The following UNC45A variants were observed in gnomAD, a reference collection of about 807,000 sequenced individuals.
UNC45A encodes the protein protein unc-45 homolog A.
Under a neutral mutation model 103.2 loss-of-function variants are expected in UNC45A, and 78 were observed. That is an observed-to-expected ratio of 0.76 (90% CI 0.63 to 0.91). The LOEUF (loss-of-function observed/expected upper bound fraction) is 0.91, where lower values mean the gene tolerates loss of function less well. Ranked by LOEUF, UNC45A falls within the 40% of genes least tolerant of loss-of-function variation. UNC45A has a pLI of 0.00. For missense variants in UNC45A, 1,193 were observed against 1,224.8 expected, an observed-to-expected ratio of 0.97 and a Z score of 0.39; for synonymous variants, 495 against 504.6, an observed-to-expected ratio of 0.98 and a Z score of 0.25.
chr15:90,936,246 G>A lies in UNC45A; in HGVS notation c.251-39G>A, dbSNP rs773273577. On this transcript the variant is annotated intron_variant, in intron 3 of 19. Transcript: ENST00000418476. ...CCTACTGCTCTTGCCTGGAGACAGT[G>A]GCCTCATGGGTGCTGACAGCGCTCC... is the stretch of plus-strand genomic sequence containing the variant. The A allele has an allele frequency of 2.5e-6, 4 of 1,586,136 alleles. No individual in the cohort carries two copies. In the Admixed American group the frequency reaches 7.2e-5, roughly 29 times the overall value.
upstream of UNC45A, chr15:90,935,028 C>A (rs969124577): frequency 2.9e-5 from 16 of 560,410 alleles, no homozygotes; most frequent in African/African-American, 2.2e-4. Context: ...ACTTCTGCTG[C>A]GGTCGGGGCC....
rs199835757 is a variant in UNC45A, at chr15:90,948,780, G to C, written c.1864G>C (p.Glu622Gln). ...LAKYAKQHVP[E>Q]QHPKDKPSFV... ...CAAGTATGCCAAGCAGCATGTGCCC[G>C]AGCAGCACCCCAAGGTGAGGGGCCG... Residue 622 changes from glutamate (E) to glutamine (Q), a missense_variant, in exon 13 of 20, where the codon GAG becomes CAG. Glu to Gln is a conservative substitution (Grantham distance 29, BLOSUM62 2). Coordinates refer to ENST00000418476, the MANE Select transcript of UNC45A (RefSeq NM_018671.5). 32 of 1,606,992 alleles carry C rather than the reference G, an allele frequency of 2.0e-5. No individual in the cohort carries two copies. Among genetic ancestry groups the C allele is most frequent in the Admixed American group, 5.1e-5 (3 of 58,794 alleles).
rs756520079 is a variant in UNC45A at position 90,948,257 on chromosome 15, C to T, written c.1711C>T (p.Leu571=). 2.5e-6 allele frequency: 4 copies of T among 1,614,000 alleles called. No homozygotes were observed. The Admixed American group carries it at 6.7e-5, about 27-fold the overall frequency. Residue 571 remains leucine, a synonymous_variant, in exon 12 of 20, where the codon CTG becomes TTG. Transcript: ENST00000418476. The part of the protein sequence containing the change: ...KEEFVEDAAA[L]KALFQLSRLE... ...AGAGTTTGTGGAGGATGCGGCTGCT[C>T]TGAAAGCTCTGTTCCAGCTCAGCAG...
intron 1 of UNC45A, 56 bp downstream of exon 1, chr15:90,935,431 GCCT>G (rs2035956993): frequency 2.5e-6 from 4 of 1,580,416 alleles, no homozygotes; most frequent in Non-Finnish European, 3.4e-6. Flanking sequence ...ACCATCCCTG[GCCT>G]CCTTCTCCCC....
chr15:90,935,434 T>G, intron 1 of UNC45A, 59 bp downstream of exon 1: 1 of 1,577,722 alleles, frequency 6.3e-7, no homozygotes, highest in Non-Finnish European at 8.6e-7. Context: ...ATCCCTGGCC[T>G]CCTTCTCCCC....
In UNC45A at chr15:90,952,926, C is replaced by G; in HGVS notation, c.2304-3C>G. 6.2e-7 allele frequency: 1 copy of G among 1,611,982 alleles called. No individual in the cohort carries two copies. The highest frequency in any genetic ancestry group is 8.5e-7 in the Non-Finnish European group (1 of 1,179,672). On this transcript the variant is annotated splice_polypyrimidine_tract_variant and splice_region_variant and intron_variant, in intron 17 of 19. Coordinates refer to ENST00000418476, the MANE Select transcript of UNC45A (RefSeq NM_018671.5). ...CCTGCTGCTTCCTCCTGTGGCCCTGCAGGCAGAAGATCCTGAAGGAGAAGG... is the reference window on the plus strand; with the variant it reads ...CCTGCTGCTTCCTCCTGTGGCCCTGGAGGCAGAAGATCCTGAAGGAGAAGG...
upstream of UNC45A, chr15:90,932,562 T>C (rs2035842814): frequency 8.1e-7 from 1 of 1,232,174 alleles, no homozygotes; most frequent in Middle Eastern, 3.1e-4. Flanking sequence ...GGCCGACGAC[T>C]GCGGCCGCAG....
At position 90,943,867 on chromosome 15, in the gene UNC45A, G is replaced by A. The variant is rs538901980; in HGVS notation, c.1027+785G>A. Among the ~76,000 whole-genome samples the A allele has an allele frequency of 2.4e-3, 357 of 151,364 alleles. 1 individual carries two copies. Among genetic ancestry groups the A allele is most frequent in the African/African-American group, 8.4e-3 (347 of 41,304 alleles). On this transcript the variant is annotated intron_variant, in intron 8 of 19. Coordinates refer to ENST00000418476, the MANE Select transcript of UNC45A (RefSeq NM_018671.5). ...GTATGCCCGGCTAATTCTTGTAGTT[G>A]TAGTAGAGATAGAATCTCACCATGT...
intron 17 of UNC45A, among the ~76,000 whole-genome samples, chr15:90,950,817 C>T (rs563936359): frequency 7.2e-5 from 11 of 152,312 alleles, no homozygotes; most frequent in African/African-American, 2.6e-4. Context: ...GCCTCGCTTC[C>T]CTGATTGCAA....
chr15:90,948,284 G>C lies in UNC45A; in HGVS notation c.1737+1G>C, dbSNP rs1439197973. ...GAAAGCTCTGTTCCAGCTCAGCAGG[G>C]TAGCTCTGTGGTTCCTGCCGTCAGC... On this transcript the variant is annotated splice_donor_variant, in intron 12 of 19. Coordinates refer to ENST00000418476, the MANE Select transcript of UNC45A (RefSeq NM_018671.5). LOFTEE classifies it high-confidence loss of function. 6.2e-7 allele frequency: 1 copy of C among 1,613,536 alleles called. No homozygotes were observed. Among genetic ancestry groups the C allele is most frequent in the Admixed American group, 1.7e-5 (1 of 60,026 alleles).
intron 3 of UNC45A, 107 bp from the exon 4 acceptor site, chr15:90,936,178 T>C (rs1013804049): frequency 3.3e-6 from 5 of 1,527,242 alleles, no homozygotes; most frequent in Non-Finnish European, 4.4e-6. Context: ...GAGCCCCACA[T>C]TCGTCCCCCC....
chr15:90,942,773 G>A, intron 7 of UNC45A, 139 bp from the exon 8 acceptor site: 1 of 1,483,464 alleles, frequency 6.7e-7, no homozygotes, highest in Non-Finnish European at 9.2e-7. Context: ...AGGTGCCTCA[G>A]GACAAAGCTG....
rs2036827173 is a variant in UNC45A at position 90,950,267 on chromosome 15, G to C, written c.2187G>C (p.Arg729=). Residue 729 remains arginine, a splice_region_variant and synonymous_variant, in exon 16 of 20, where the codon CGG becomes CGC. Coordinates refer to ENST00000418476, the MANE Select transcript of UNC45A (RefSeq NM_018671.5). ...CGGAGATGACCTTCCCTGGCGAGCGGGTACGTGTCTTCCTGCCCCGGCCTT... is the reference window on the plus strand; with the variant it reads ...CGGAGATGACCTTCCCTGGCGAGCGCGTACGTGTCTTCCTGCCCCGGCCTT... The part of the protein sequence containing the change: ...SNPEMTFPGE[R]IYEVVRPLVS... 1 of 1,551,578 alleles carries C rather than the reference G, an allele frequency of 6.4e-7. No individual in the cohort carries two copies. The highest frequency in any genetic ancestry group is 8.7e-7 in the Non-Finnish European group (1 of 1,146,998).
chr15:90,930,182 T>C (rs540148274), exon 1 of UNC45A: 1 of 152,120 alleles, frequency 6.6e-6, no homozygotes, highest in East Asian at 1.9e-4. Context: ...TCCCTGTCAC[T>C]TAACAACCGA....
At chr15:90,944,607 T>C (rs2036469196) in intron 8 of UNC45A, among the ~76,000 whole-genome samples, 1 of 152,140 alleles carries the variant, frequency 6.6e-6, no homozygotes, top group Non-Finnish European at 1.5e-5. Flanking sequence ...GGATATTCTT[T>C]TCCCCTTAGT....
At position 90,949,399 on chromosome 15, in the gene UNC45A, G is replaced by A. The variant is rs764061480; in HGVS notation, c.1962G>A (p.Thr654=). The A allele has an allele frequency of 6.2e-6, 10 of 1,613,686 alleles. No homozygotes were observed. The highest frequency in any genetic ancestry group is 2.2e-5 in the South Asian group (2 of 91,088). ...CGGCCATGGTGTGCATGGTGAAGAC[G>A]GAGAGCCCTGTGCTGACCAGTTCCT... The part of the protein sequence containing the change: ...VVSAMVCMVK[T]ESPVLTSSCR... The change falls in exon 14 of 20, where the codon ACG becomes ACA. Residue 654 remains threonine, a synonymous_variant. Transcript: ENST00000418476.
Position 90,935,352 on chromosome 15 carries a change from G to A in UNC45A, c.28G>A (p.Glu10Lys). The change falls in exon 1 of 20, where the codon GAG becomes AAG. Residue 10 changes from glutamate to lysine, a missense_variant. By Grantham distance (56) the Glu-to-Lys change is moderately conservative. Coordinates refer to ENST00000418476, the MANE Select transcript of UNC45A (RefSeq NM_018671.5). MTVSGPGTP[E>K]PRPATPGASS... The stretch of plus-strand genomic sequence containing the variant: ...GACTGTGAGTGGTCCAGGGACCCCC[G>A]AGCCCCGGCCGGCCACCCCCGGGGT... The A allele has an allele frequency of 6.2e-7, 1 of 1,603,870 alleles. No individual in the cohort carries two copies. The highest frequency in any genetic ancestry group is 1.1e-5 in the South Asian group (1 of 90,298).
chr15:90,932,064 C>T, upstream of UNC45A: 1 of 1,612,532 alleles, frequency 6.2e-7, no homozygotes, highest in Non-Finnish European at 8.5e-7. Flanking sequence ...CCTGTAACAC[C>T]ACAATGTCAG....
chr15:90,948,392 G>A, intron 12 of UNC45A, 109 bp downstream of exon 12: 7 of 1,512,456 alleles, frequency 4.6e-6, no homozygotes, highest in Non-Finnish European at 5.4e-6. Context: ...CCAGGGAAGA[G>A]GGCTGGTGGC....
Sources: allele counts gnomAD v4.1 joint callset (sites outside exome capture counted in the v4.1 genomes callset), GRCh38; gene constraint gnomAD v4.1.1; transcripts MANE v1.5; gene names NCBI Gene and HGNC (gene_info 2026-07-23, HGNC 2026-07-21).